Variants in COL6A5 observed in about 807,000 individuals in gnomAD.
COL6A5 encodes collagen alpha-5(VI) chain.
Under a neutral mutation model 65.6 loss-of-function variants are expected in COL6A5, and 48 were observed. That is an observed-to-expected ratio of 0.73 (90% confidence interval 0.58 to 0.93). The LOEUF (loss-of-function observed/expected upper bound fraction) is 0.93. COL6A5 is among the 40% of genes least tolerant of loss of function. The probability of loss-of-function intolerance (pLI) is 0.00; values close to 1 mark genes in which losing one functional copy is unlikely to be tolerated. For missense variants in COL6A5, 914 were observed against 928.3 expected, an observed-to-expected ratio of 0.98 and a Z score of 0.20; for synonymous variants, 291 against 322.8, an observed-to-expected ratio of 0.90 and a Z score of 1.05.
chr3:130,426,065 T>G (rs1937595957), intron 29 of COL6A5, 149 bp from the exon 30 acceptor site: 1 of 710,910 alleles, frequency 1.4e-6, no homozygotes, highest in Non-Finnish European at 2.4e-6. Flanking sequence ...TATATGGCAA[T>G]TAATCCACTG....
exon 7 of COL6A5, chr3:130,391,247 T>C (rs1267085418): frequency 6.4e-7 from 1 of 1,551,582 alleles, no homozygotes; most frequent in East Asian, 2.4e-5. Flanking sequence ...AAAAAAACAA[T>C]ATCAAGATCA....
intron 3 of COL6A5, among the ~76,000 whole-genome samples, chr3:130,442,450 T>A (rs1016377948): frequency 1.3e-5 from 2 of 152,154 alleles, no homozygotes; most frequent in Admixed American, 6.5e-5. Context: ...ATAAAACAAC[T>A]CAAAGATGGT....
exon 6 of COL6A5, chr3:130,468,886 C>T (rs1559918990): frequency 6.2e-7 from 1 of 1,612,006 alleles, no homozygotes. Context: ...ATGTGGCTTT[C>T]CTCATAGATG....
chr3:130,431,361 A>T, upstream of COL6A5: 1 of 1,274,228 alleles, frequency 7.8e-7, no homozygotes, highest in South Asian at 1.3e-5. Flanking sequence ...TGGATGAAGC[A>T]CTTGCTTTGC....
At chr3:130,376,284 G>T (rs748352703) in exon 3 of COL6A5, 2 of 1,612,582 alleles carry the variant, frequency 1.2e-6, no homozygotes, top group Non-Finnish European at 1.7e-6. Flanking sequence ...GGACAGCTCC[G>T]ATCACCTGGG....
At chr3:130,385,448 A>G in intron 5 of COL6A5, 84 bp downstream of exon 5, 1 of 1,332,016 alleles carries the variant, frequency 7.5e-7, no homozygotes, top group Non-Finnish European at 1.0e-6. Flanking sequence ...ACAAGGCCTG[A>G]TGTGACCAGT....
chr3:130,477,882 A>G (rs1170366886), intron 7 of COL6A5, among the ~76,000 whole-genome samples: 1 of 152,158 alleles, frequency 6.6e-6, no homozygotes, highest in Admixed American at 6.6e-5. Flanking sequence ...TTAATGGAAT[A>G]TTAAATTCTA....
chr3:130,406,065 A>G (rs1559884265), intron 15 of COL6A5, 46 bp downstream of exon 15: 7 of 1,549,076 alleles, frequency 4.5e-6, no homozygotes, highest in Middle Eastern at 1.7e-4. Flanking sequence ...AAATGGGATT[A>G]GTTTCCGAAT....
At chr3:130,405,682 A>C in intron 14 of COL6A5, 23 bp downstream of exon 14, 4 of 1,512,602 alleles carry the variant, frequency 2.6e-6, no homozygotes, top group Non-Finnish European at 3.6e-6. Flanking sequence ...TGTAAATGTT[A>C]TTTCCAATTC....
At chr3:130,432,937 T>G (rs1937882540) in intron 1 of COL6A5, among the ~76,000 whole-genome samples, 1 of 152,194 alleles carries the variant, frequency 6.6e-6, no homozygotes. Flanking sequence ...TTCAACAACT[T>G]TTCAGTATAT....
Position 130,397,522 on chromosome 3 carries a change from C to T in COL6A5, c.3569-61C>T, listed in dbSNP as rs1260207480. 24 of 1,324,740 alleles carry T rather than the reference C, an allele frequency of 1.8e-5. No homozygotes were observed. The Admixed American group carries it at 2.2e-4, about 12-fold the overall frequency. 82.1% of individuals were successfully genotyped at this position (1,324,740 alleles called of 1,614,324 possible). On this transcript the variant is annotated intron_variant and NMD_transcript_variant, in intron 8 of 41. Transcript: ENST00000312481. The stretch of plus-strand genomic sequence containing the variant: ...GCATGACAGTGCTCCTTTTTTCTGC[C>T]GTCTCTCCTTCCTTACTCCTGTCTA...
At chr3:130,385,117 T>C in exon 5 of COL6A5, 1 of 1,550,942 alleles carries the variant, frequency 6.4e-7, no homozygotes, top group East Asian at 2.4e-5. Context: ...GAATGAAGGA[T>C]AGAATGAGCA....
In COL6A5 at chr3:130,367,130, G is replaced by A. The variant is rs79199192; in HGVS notation, c.-28-6481G>A. Among the ~76,000 whole-genome samples, 1,083 of 152,278 alleles carry A rather than the reference G, an allele frequency of 7.1e-3. 12 individuals carry two copies. The highest frequency in any genetic ancestry group is 0.025 in the African/African-American group (1,022 of 41,542). ...AGATGTGTTAATTAAACTGTAGCCCGTGTTTCTGATAGGTCTTATTTGTTT... is the reference window on the plus strand; with the variant it reads ...AGATGTGTTAATTAAACTGTAGCCCATGTTTCTGATAGGTCTTATTTGTTT... On this transcript the variant is annotated intron_variant and NMD_transcript_variant, in intron 1 of 41. Transcript: ENST00000312481.
chr3:130,385,289 G>A (rs1229316928), exon 5 of COL6A5: 9 of 1,550,834 alleles, frequency 5.8e-6, no homozygotes, highest in African/African-American at 1.4e-5. Context: ...AGAAGAAAGG[G>A]TTAGCTTTGG....
intron 23 of COL6A5, among the ~76,000 whole-genome samples, chr3:130,416,021 A>G (rs979158190): frequency 4.6e-5 from 7 of 152,114 alleles, no homozygotes; most frequent in Admixed American, 3.9e-4. Flanking sequence ...TGATTTTTCT[A>G]ACTTTTAAAA....
intron 1 of COL6A5, among the ~76,000 whole-genome samples, chr3:130,359,793 G>C (rs958941278): frequency 1.3e-5 from 2 of 151,894 alleles, no homozygotes; most frequent in African/African-American, 4.8e-5. Context: ...TCCTAGAGAC[G>C]GTCTGGCCTA....
At chr3:130,428,674 C>T (rs1937666152), upstream of COL6A5, among the ~76,000 whole-genome samples, 11 of 152,214 alleles carry the variant, frequency 7.2e-5, no homozygotes, top group South Asian at 2.3e-3. Context: ...CGTGGAAGTA[C>T]TCAGTCAGGA....
chr3:130,417,121 T>G (rs932787744), intron 24 of COL6A5, among the ~76,000 whole-genome samples: 11 of 151,906 alleles, frequency 7.2e-5, no homozygotes, highest in Admixed American at 2.0e-4. Flanking sequence ...TGTGTGATGT[T>G]CCCCTCTCTG....
chr3:130,469,137 A>G (rs773573722), exon 6 of COL6A5: 3 of 1,612,910 alleles, frequency 1.9e-6, no homozygotes, highest in Non-Finnish European at 2.5e-6. Context: ...CAAGACTCTC[A>G]ACAGCTCAAT....
Sources: gnomAD v4.1 joint callset for allele counts (sites outside exome capture counted in the v4.1 genomes callset) on GRCh38, gnomAD v4.1.1 for gene constraint, MANE v1.5 for transcripts, NCBI Gene and HGNC (gene_info 2026-07-23, HGNC 2026-07-21) for gene names.